NAV2: variants seen among roughly 807,000 people sequenced by gnomAD.
NAV2 encodes neuron navigator 2.
In NAV2, 54 loss-of-function variants were observed where a neutral mutation model predicts 223.2. The ratio of observed to expected loss-of-function variants is 0.24; its 90% confidence interval spans 0.19 to 0.30. The LOEUF (loss-of-function observed/expected upper bound fraction) is 0.30, where lower values mean the gene tolerates loss of function less well. NAV2 is among the 10% of genes least tolerant of loss of function. NAV2 has a pLI of 1.00. For synonymous variants in NAV2, 1,279 were observed against 1,239.3 expected (o/e 1.03, Z -0.67); for missense variants, 2,806 against 3,147.5 (o/e 0.89, Z 2.60).
At chr11:20,079,241 A>G (rs1258514559) in intron 24 of NAV2, among the ~76,000 whole-genome samples, 1 of 152,112 alleles carries the variant, frequency 6.6e-6, no homozygotes, top group African/African-American at 2.4e-5. Flanking sequence ...GGGTTTCACC[A>G]TGTTGGCCAG....
chr11:20,015,601 A>G (rs2053935458), intron 11 of NAV2, among the ~76,000 whole-genome samples: 1 of 151,846 alleles, frequency 6.6e-6, no homozygotes. Flanking sequence ...TTTTTATTTG[A>G]CTGCTTGGTA....
intron 1 of NAV2, among the ~76,000 whole-genome samples, chr11:19,811,421 C>A (rs2058829714): frequency 6.6e-6 from 1 of 152,120 alleles, no homozygotes; most frequent in African/African-American, 2.4e-5. Flanking sequence ...TTTTCATGCT[C>A]ACAATGAAGG....
chr11:20,014,722 C>T (rs11822146), intron 11 of NAV2, among the ~76,000 whole-genome samples: 3,056 of 152,070 alleles, frequency 0.02, 118 homozygotes, highest in African/African-American at 0.071. Flanking sequence ...GACAACATGG[C>T]GAAACCCTCT....
chr11:20,022,621 A>G, intron 11 of NAV2: 1 of 987,834 alleles, frequency 1.0e-6, no homozygotes, highest in African/African-American at 1.7e-5. Flanking sequence ...GTTATAGTCA[A>G]TGATTTTTGC....
chr11:19,443,855 G>T (rs1009237203), intron 1 of NAV2, among the ~76,000 whole-genome samples: 4 of 152,208 alleles, frequency 2.6e-5, no homozygotes, highest in Non-Finnish European at 4.4e-5. Flanking sequence ...ATTGTATCAA[G>T]TACTTAGCAC....
Position 20,072,869 on chromosome 11 carries a change from T to C in NAV2, c.4983+4471T>C, listed in dbSNP as rs896966602. 2.3e-4 allele frequency among the ~76,000 whole-genome samples: 35 copies of C among 152,222 alleles called. 1 individual carries two copies. Among genetic ancestry groups the C allele is most frequent in the African/African-American group, 8.4e-4 (35 of 41,450 alleles). The stretch of plus-strand genomic sequence containing the variant: ...ATGGGGTTTTCTAAACATACAATCA[T>C]GTTATCTGCAAACAGAGACAATTTG... On this transcript the variant is annotated intron_variant, in intron 22 of 37. Coordinates refer to ENST00000349880, the MANE Select transcript of NAV2 (RefSeq NM_145117.5).
intron 1 of NAV2, among the ~76,000 whole-genome samples, chr11:19,418,794 A>G (rs1206142714): frequency 6.6e-6 from 1 of 152,176 alleles, no homozygotes; most frequent in African/African-American, 2.4e-5. Context: ...TGTTGTGATC[A>G]GAGTTGCATC....
Position 20,036,100 on chromosome 11 carries a change from G to A in NAV2, c.2907+3G>A. On this transcript the variant is annotated splice_donor_region_variant and intron_variant, in intron 12 of 37. Coordinates refer to ENST00000349880, the MANE Select transcript of NAV2 (RefSeq NM_145117.5). ...CTCGAAAAAACCTGGATGTGCAGGT[G>A]AGGAACACAGGCCCTCCCAGGCTCC... 1.2e-6 allele frequency: 2 copies of A among 1,614,186 alleles called. No individual in the cohort carries two copies. Among genetic ancestry groups the A allele is most frequent in the African/African-American group, 2.7e-5 (2 of 75,060 alleles).
At chr11:19,397,288 A>C (rs1172758939) in intron 1 of NAV2, among the ~76,000 whole-genome samples, 2 of 152,170 alleles carry the variant, frequency 1.3e-5, no homozygotes, top group African/African-American at 4.8e-5. Context: ...CTAAAAGTGG[A>C]CAGGATGCTT....
intron 1 of NAV2, among the ~76,000 whole-genome samples, chr11:19,413,237 G>C (rs1324503961): frequency 6.6e-6 from 1 of 152,136 alleles, no homozygotes; most frequent in East Asian, 1.9e-4. Context: ...TAAATGACCT[G>C]ATGGAGCTGA....
chr11:19,486,477 G>A lies in NAV2; in HGVS notation c.75+135450G>A, dbSNP rs1014166739. ...GAGGGACCCATTGGGAGGTAATCAC[G>A]GGGGCGGTTACTCTCATGCTGTTCT... On this transcript the variant is annotated intron_variant, in intron 1 of 37. Coordinates refer to the NAV2 transcript ENST00000360655. Among the ~76,000 whole-genome samples the A allele has an allele frequency of 3.9e-5, 6 of 152,218 alleles. No homozygotes were observed. In the East Asian group the frequency reaches 5.8e-4, roughly 15 times the overall value.
rs903949482 is a variant in NAV2, at chr11:20,106,163, A to G, written c.6841+436A>G. Among the ~76,000 whole-genome samples, 11 of 10,104 alleles carry G rather than the reference A, an allele frequency of 1.1e-3. No individual in the cohort carries two copies. The East Asian group carries it at 0.071, about 66-fold the overall frequency. 6.6% of individuals were successfully genotyped at this position (10,104 alleles called of 152,430 possible). A position where few individuals can be genotyped will look rare whatever the true frequency, so the allele number is the denominator to read the frequency against. On this transcript the variant is annotated intron_variant, in intron 35 of 37. Coordinates refer to ENST00000349880, the MANE Select transcript of NAV2 (RefSeq NM_145117.5). The stretch of plus-strand genomic sequence containing the variant: ...TTCATATGTGTGTGTGTGTATATAT[A>G]TATATATATATATGTGTGTGTATAT...
chr11:19,597,055 G>A (rs2046224723), intron 1 of NAV2, among the ~76,000 whole-genome samples: 1 of 152,182 alleles, frequency 6.6e-6, no homozygotes, highest in Non-Finnish European at 1.5e-5. Flanking sequence ...GTGACTCCAA[G>A]TTTTTCCTTC....
At chr11:20,105,436 A>G (rs1166564465) in intron 34 of NAV2, 95 bp from the exon 35 acceptor site, 8 of 1,008,692 alleles carry the variant, frequency 7.9e-6, no homozygotes, top group African/African-American at 4.8e-5. Context: ...GCATTAGCAT[A>G]TACACCTTCT....
At chr11:20,100,904 G>A in intron 31 of NAV2, 33 bp from the exon 32 acceptor site, 2 of 1,586,988 alleles carry the variant, frequency 1.3e-6, no homozygotes, top group Non-Finnish European at 1.7e-6. Context: ...TTTCTACAGG[G>A]CTTCAGATGA....
chr11:19,412,659 C>T (rs1347411806), intron 1 of NAV2, among the ~76,000 whole-genome samples: 1 of 152,228 alleles, frequency 6.6e-6, no homozygotes, highest in Admixed American at 6.5e-5. Context: ...TTTACAGACA[C>T]CTCATACAAG....
intron 1 of NAV2, among the ~76,000 whole-genome samples, chr11:19,453,761 C>G (rs2133809111): frequency 6.6e-6 from 1 of 152,316 alleles, no homozygotes; most frequent in African/African-American, 2.4e-5. Context: ...AAACCCTTCG[C>G]TGATAAATCC....
At chr11:19,819,367 G>A (rs1393162005) in intron 1 of NAV2, among the ~76,000 whole-genome samples, 1 of 152,164 alleles carries the variant, frequency 6.6e-6, no homozygotes, top group Non-Finnish European at 1.5e-5. Flanking sequence ...GGTGGTGGGG[G>A]AAGGGCACCC....
chr11:19,451,275 T>A (rs1406219493), intron 1 of NAV2, among the ~76,000 whole-genome samples: 4 of 152,120 alleles, frequency 2.6e-5, no homozygotes, highest in African/African-American at 9.7e-5. Flanking sequence ...TGCCCCTCCC[T>A]CATTCTCTTC....
Sources: gnomAD v4.1 joint callset for allele counts (sites outside exome capture counted in the v4.1 genomes callset) on GRCh38, gnomAD v4.1.1 for gene constraint, MANE v1.5 for transcripts, NCBI Gene and HGNC (gene_info 2026-07-23, HGNC 2026-07-21) for gene names.